The following SYN3 variants were observed in gnomAD, a reference collection of about 807,000 sequenced individuals.
The protein encoded by SYN3 is synapsin III.
Under a neutral mutation model 65.8 loss-of-function variants are expected in SYN3, and 35 were observed. That is an observed-to-expected ratio of 0.53 (90% confidence interval 0.41 to 0.70). SYN3 has a LOEUF of 0.70. SYN3 is among the 30% of genes least tolerant of loss of function. SYN3 has a pLI of 0.00. For missense variants in SYN3, 680 were observed against 749.0 expected (o/e 0.91, Z 1.08); for synonymous variants, 270 against 292.9 (o/e 0.92, Z 0.80).
intron 6 of SYN3, among the ~76,000 whole-genome samples, chr22:32,777,779 T>C (rs932667784): frequency 6.6e-6 from 1 of 152,248 alleles, no homozygotes; most frequent in African/African-American, 2.4e-5. Context: ...TTACTTAGTA[T>C]TTTCTTTGAA....
rs543654374 is a variant in SYN3, at chr22:32,519,310, CTTTT to C, written c.1319-980_1319-977del. The C allele has an allele frequency of 2.0e-5, 3 of 149,098 alleles. No homozygotes were observed. In the South Asian group the frequency reaches 6.4e-4, roughly 32 times the overall value. The allele number at this position is 149,098 out of a possible 1,614,324, so 9.2% of individuals were successfully genotyped here. ...TGAGATTAAGAAGGATTTTAATTCT[CTTTT>C]TTTTTTTCTCACGGGTATTTTCCAC... On this transcript the variant is annotated intron_variant, in intron 12 of 13. Transcript: ENST00000358763.
At chr22:32,684,206 C>T (rs984267577) in intron 6 of SYN3, among the ~76,000 whole-genome samples, 40 of 152,182 alleles carry the variant, frequency 2.6e-4, no homozygotes, top group African/African-American at 9.2e-4. Flanking sequence ...TGAAATAAGG[C>T]GTTAGGAGAG....
At chr22:33,006,323 G>C in intron 2 of SYN3, 29 bp downstream of exon 2, 1 of 1,566,892 alleles carries the variant, frequency 6.4e-7, no homozygotes, top group Non-Finnish European at 8.7e-7. Context: ...TGCCCCAGAA[G>C]GTGGTAGCAC....
intron 6 of SYN3, among the ~76,000 whole-genome samples, chr22:32,597,508 G>A (rs575816078): frequency 9.9e-5 from 15 of 152,058 alleles, no homozygotes; most frequent in Admixed American, 7.2e-4. Flanking sequence ...GAGCCACCGC[G>A]CCTGGCCCAT....
chr22:32,861,575 G>A (rs1244700317), intron 6 of SYN3: 1 of 152,530 alleles, frequency 6.6e-6, no homozygotes, highest in East Asian at 1.9e-4. Context: ...CGCACTCCCT[G>A]GTGTGGTCAG....
At chr22:32,698,602 T>A (rs2060769590) in intron 6 of SYN3, among the ~76,000 whole-genome samples, 1 of 152,198 alleles carries the variant, frequency 6.6e-6, no homozygotes, top group South Asian at 2.1e-4. Context: ...AACTCTTGTT[T>A]GTTTTTCTTC....
At chr22:32,567,381 C>T (rs1477618310) in intron 7 of SYN3, among the ~76,000 whole-genome samples, 2 of 133,338 alleles carry the variant, frequency 1.5e-5, no homozygotes. Context: ...TTCCTTCCTT[C>T]ACCAAAAATG....
At chr22:32,702,402 C>T (rs1360844546) in intron 6 of SYN3, among the ~76,000 whole-genome samples, 3 of 152,090 alleles carry the variant, frequency 2.0e-5, no homozygotes, top group East Asian at 1.9e-4. Flanking sequence ...GGTGTGAACC[C>T]GGGAGGCGGA....
chr22:32,510,803 G>T lies in SYN3; in HGVS notation c.*2889C>A, dbSNP rs997175375. On this transcript the variant is annotated 3_prime_UTR_variant, in exon 14 of 14. Transcript: ENST00000358763. ...GGGGGAAGGGCCCAGGAACCTTCCA[G>T]TCTGAGAGGCTGGTATTCTGGTTCT... is the stretch of plus-strand genomic sequence containing the variant. Among the ~76,000 whole-genome samples, 1 of 152,164 alleles carries T rather than the reference G, an allele frequency of 6.6e-6. No individual in the cohort carries two copies. The highest frequency in any genetic ancestry group is 2.4e-5 in the African/African-American group (1 of 41,438).
At chr22:32,531,235 C>G (rs1417411584) in intron 10 of SYN3, among the ~76,000 whole-genome samples, 2 of 148,902 alleles carry the variant, frequency 1.3e-5, no homozygotes, top group Non-Finnish European at 3.0e-5. Context: ...GTACCTGGGA[C>G]TGAGGCCTCC....
chr22:32,529,084 G>A lies in SYN3; in HGVS notation c.1096-76C>T, dbSNP rs140109691. On this transcript the variant is annotated intron_variant, in intron 10 of 13. Transcript: ENST00000358763. ...GGTTGGGCATCACATCCCAGAAGTGGGGGCTCAGGGCTCAGGACAGAAGTG... is the reference window on the plus strand; with the variant it reads ...GGTTGGGCATCACATCCCAGAAGTGAGGGCTCAGGGCTCAGGACAGAAGTG... The A allele has an allele frequency of 2.5e-5, 39 of 1,589,550 alleles. No individual in the cohort carries two copies. In the Middle Eastern group the frequency reaches 5.3e-4, roughly 22 times the overall value.
chr22:32,555,455 C>T (rs540265714), intron 7 of SYN3, among the ~76,000 whole-genome samples: 1 of 152,346 alleles, frequency 6.6e-6, no homozygotes, highest in Non-Finnish European at 1.5e-5. Context: ...GCTCACCCTG[C>T]TGAGTTTCTC....
intron 7 of SYN3, among the ~76,000 whole-genome samples, chr22:32,575,421 T>G (rs532031183): frequency 6.6e-6 from 1 of 151,846 alleles, no homozygotes; most frequent in African/African-American, 2.4e-5. Context: ...TGGGTGGGGG[T>G]TCCCCAAGCA....
chr22:32,518,104 G>A lies in SYN3; in HGVS notation c.1549C>T (p.Arg517Cys), dbSNP rs750024061. 1.1e-5 allele frequency: 18 copies of A among 1,575,290 alleles called. No homozygotes were observed. The highest frequency in any genetic ancestry group is 3.6e-5 in the South Asian group (3 of 84,248). ...TCTTCACCCTGCTGGGAGGTACTAC[G>A]GCCCTGCACAGGGGGCCGGGGCTGT... is the stretch of plus-strand genomic sequence containing the variant. ...ASQPRPPVQG[R>C]STSQQGEESK... Residue 517 changes from arginine to cysteine, a missense_variant, in exon 13 of 14, where the codon CGT becomes TGT. Arg to Cys is a radical substitution (Grantham distance 180). Coordinates refer to ENST00000358763, the MANE Select transcript of SYN3 (RefSeq NM_003490.4).
At chr22:32,739,370 C>A (rs1031749197) in intron 6 of SYN3, among the ~76,000 whole-genome samples, 1 of 51,264 alleles carries the variant, frequency 2.0e-5, no homozygotes, top group African/African-American at 6.2e-5. Context: ...GTCCATTAAA[C>A]CCCCCCTTTT....
rs1556255520 is a variant in SYN3, at chr22:33,052,583, C to CGAA, written c.-163+5708_-163+5709insTTC. Among the ~76,000 whole-genome samples, 110 of 107,880 alleles carry CGAA rather than the reference C, an allele frequency of 1.0e-3. 1 individual carries two copies. In the Middle Eastern group the frequency reaches 0.02, roughly 19 times the overall value. The allele number at this position is 107,880 out of a possible 152,430, so 70.8% of individuals were successfully genotyped here. On this transcript the variant is annotated intron_variant, in intron 1 of 13. Coordinates refer to ENST00000358763, the MANE Select transcript of SYN3 (RefSeq NM_003490.4). ...ATACTCACACCTAGCAGAAGAGGAA[C>CGAA]AAAAAAAAAAAAAAGAGAGAGAGAG...
intron 6 of SYN3, among the ~76,000 whole-genome samples, chr22:32,623,305 G>T (rs1169318706): frequency 2.0e-5 from 3 of 151,914 alleles, no homozygotes; most frequent in African/African-American, 7.3e-5. Context: ...TCCTGCCTTG[G>T]TCTCCGTAGT....
intron 3 of SYN3, among the ~76,000 whole-genome samples, chr22:32,952,078 T>A (rs557240547): frequency 6.6e-6 from 1 of 152,292 alleles, no homozygotes; most frequent in Non-Finnish European, 1.5e-5. Context: ...GCTGAGCTCT[T>A]TCCCACCAGT....
intron 6 of SYN3, among the ~76,000 whole-genome samples, chr22:32,842,162 C>G (rs74438510): frequency 0.063 from 9,568 of 152,264 alleles, 333 homozygotes; most frequent in Middle Eastern, 0.12. Flanking sequence ...AACAGGGCAG[C>G]GACTTCACCC....
Sources: allele counts gnomAD v4.1 joint callset (sites outside exome capture counted in the v4.1 genomes callset), GRCh38; gene constraint gnomAD v4.1.1; transcripts MANE v1.5; gene names NCBI Gene and HGNC (gene_info 2026-07-23, HGNC 2026-07-21).